The following DSCAM variants were observed in gnomAD, a reference collection of about 807,000 sequenced individuals.
DSCAM encodes the protein cell adhesion molecule DSCAM.
A neutral mutation model predicts 217.7 loss-of-function variants in DSCAM; 47 were observed. That is an observed-to-expected ratio of 0.22 (90% CI 0.17 to 0.28). DSCAM has a LOEUF of 0.28. Among genes scored for constraint, DSCAM ranks in the 10% least tolerant of loss-of-function variants. The pLI is 1.00. For missense variants in DSCAM, 2,080 were observed against 2,618.3 expected (o/e 0.79, Z 4.49); for synonymous variants, 1,056 against 1,015.3 (o/e 1.04, Z -0.76).
intron 11 of DSCAM, among the ~76,000 whole-genome samples, chr21:40,201,377 C>CT (rs5844005): frequency 0.069 from 10,303 of 149,858 alleles, 1,097 homozygotes; most frequent in African/African-American, 0.23. Flanking sequence ...CCATTTCTTT[C>CT]TTTTTTTTTT....
At chr21:40,800,996 G>A (rs1204477388) in intron 1 of DSCAM, among the ~76,000 whole-genome samples, 7 of 148,460 alleles carry the variant, frequency 4.7e-5, no homozygotes, top group Non-Finnish European at 7.4e-5. Flanking sequence ...CTTTCACCCA[G>A]GCTGGAGTGC....
At chr21:40,291,071 C>CT (rs1203307093) in intron 10 of DSCAM, among the ~76,000 whole-genome samples, 1 of 152,204 alleles carries the variant, frequency 6.6e-6, no homozygotes, top group Admixed American at 6.5e-5. Context: ...GTCTGCCCTC[C>CT]TGGAGTCGTC....
chr21:40,431,151 AT>A (rs1372672846), intron 3 of DSCAM, among the ~76,000 whole-genome samples: 2 of 152,220 alleles, frequency 1.3e-5, no homozygotes, highest in Non-Finnish European at 2.9e-5. Flanking sequence ...TTATGCAAAG[AT>A]TTTCAGAAAA....
At chr21:40,674,626 C>CTTTTTTTTT (rs869239926) in intron 3 of DSCAM, among the ~76,000 whole-genome samples, 4 of 105,900 alleles carry the variant, frequency 3.8e-5, no homozygotes, top group East Asian at 2.9e-4. Flanking sequence ...TTTTCTTTTT[C>CTTTTTTTTT]TTTTTCTTTT....
chr21:40,560,028 C>A (rs1019444212), intron 3 of DSCAM, among the ~76,000 whole-genome samples: 2 of 152,012 alleles, frequency 1.3e-5, no homozygotes, highest in Admixed American at 1.3e-4. Context: ...CTCCTGACCT[C>A]GTGATCCGCC....
chr21:40,049,953 C>T (rs929954820), intron 30 of DSCAM, among the ~76,000 whole-genome samples: 2 of 152,330 alleles, frequency 1.3e-5, no homozygotes, highest in East Asian at 1.9e-4. Context: ...TATGCATTCT[C>T]GGCTGCTAGC....
In DSCAM at chr21:40,032,870, G is replaced by A. The variant is rs144229144; in HGVS notation, c.5686+9501C>T. 2.7e-3 allele frequency among the ~76,000 whole-genome samples: 407 copies of A among 152,268 alleles called. 3 individuals carry two copies. The highest frequency in any genetic ancestry group is 0.018 in the South Asian group (89 of 4,820). On this transcript the variant is annotated intron_variant, in intron 32 of 32. Coordinates refer to ENST00000400454, the MANE Select transcript of DSCAM (RefSeq NM_001389.5). ...GATGAAAGTTCCTTTTTATGTGTCC[G>A]CAGAGGAGATTGAAGCCCCAAAAAC...
intron 3 of DSCAM, among the ~76,000 whole-genome samples, chr21:40,597,252 G>A (rs1316208536): frequency 6.6e-6 from 1 of 152,108 alleles, no homozygotes; most frequent in Admixed American, 6.5e-5. Context: ...TACACCCTGA[G>A]AGCAATATTC....
intron 3 of DSCAM, among the ~76,000 whole-genome samples, chr21:40,688,543 T>TA (rs2090507613): frequency 1.3e-5 from 2 of 152,194 alleles, no homozygotes; most frequent in African/African-American, 4.8e-5. Context: ...TGAGGATGTC[T>TA]AAAAAAATCC....
intron 10 of DSCAM, among the ~76,000 whole-genome samples, chr21:40,284,993 T>C (rs2073807451): frequency 6.6e-6 from 1 of 152,244 alleles, no homozygotes. Flanking sequence ...GCTAGTCCAC[T>C]AGCACTTCAA....
intron 32 of DSCAM, among the ~76,000 whole-genome samples, chr21:40,040,011 A>AAGCT (rs1390112797): frequency 1.3e-5 from 2 of 152,246 alleles, no homozygotes; most frequent in African/African-American, 4.8e-5. Context: ...ATTGTATCAC[A>AAGCT]AGCTCTAGTT....
chr21:40,035,376 TA>T lies in DSCAM; in HGVS notation c.5686+6994del, dbSNP rs1213414580. ...CAGGGGTTGCAATCCTAGTCTCAGATAAAACAGACTTCAAACCAACAAAGAT... is the reference window on the plus strand; with the variant it reads ...CAGGGGTTGCAATCCTAGTCTCAGATAAACAGACTTCAAACCAACAAAGAT... On this transcript the variant is annotated intron_variant, in intron 32 of 32. Coordinates refer to ENST00000400454, the MANE Select transcript of DSCAM (RefSeq NM_001389.5). Among the ~76,000 whole-genome samples, 38 of 108,178 alleles carry T rather than the reference TA, an allele frequency of 3.5e-4. 3 individuals carry two copies. Among genetic ancestry groups the T allele is most frequent in the African/African-American group, 1.5e-3 (36 of 24,352 alleles). The allele number at this position is 108,178 out of a possible 152,430, so 71.0% of individuals were successfully genotyped here. A position where few individuals can be genotyped will look rare whatever the true frequency, so the allele number is the denominator to read the frequency against.
At chr21:40,667,993 T>C (rs1407599641) in intron 3 of DSCAM, among the ~76,000 whole-genome samples, 1 of 152,208 alleles carries the variant, frequency 6.6e-6, no homozygotes, top group African/African-American at 2.4e-5. Context: ...ACCTTCCTTC[T>C]AATACCTTTC....
At position 40,189,156 on chromosome 21, in the gene DSCAM, A is replaced by G. The variant is rs1165223509; in HGVS notation, c.2439T>C (p.Gly813=). Residue 813 remains glycine, a synonymous_variant, in exon 12 of 33, where the codon GGT becomes GGC. Coordinates refer to ENST00000400454, the MANE Select transcript of DSCAM (RefSeq NM_001389.5). ...QKKEMSCTAH[G]EKPIIVRWEK... is the part of the protein sequence containing the mutation. ...CCCAGCGGACTATAATGGGCTTCTC[A>G]CCATGCGCCGTGCAGCTCATCTCCT... The G allele has an allele frequency of 6.2e-7, 1 of 1,614,032 alleles. No homozygotes were observed. The highest frequency in any genetic ancestry group is 1.3e-5 in the African/African-American group (1 of 75,012).
intron 11 of DSCAM, among the ~76,000 whole-genome samples, chr21:40,231,132 T>G (rs972489826): frequency 3.9e-5 from 6 of 151,916 alleles, no homozygotes; most frequent in Middle Eastern, 6.8e-3. Context: ...AGGTTTTTTT[T>G]TTTTTTTTTT....
chr21:40,358,878 A>G (rs980691188), intron 4 of DSCAM, among the ~76,000 whole-genome samples: 3 of 152,128 alleles, frequency 2.0e-5, no homozygotes, highest in African/African-American at 7.2e-5. Flanking sequence ...ATTGAAAATC[A>G]TATTTCTAAT....
intron 3 of DSCAM, among the ~76,000 whole-genome samples, chr21:40,531,773 C>G (rs894329565): frequency 7.9e-5 from 12 of 152,204 alleles, no homozygotes; most frequent in African/African-American, 2.7e-4. Flanking sequence ...GCCCCCATTC[C>G]TTTCCTTCTT....
intron 8 of DSCAM, among the ~76,000 whole-genome samples, chr21:40,323,277 C>T (rs1164314105): frequency 2.6e-5 from 4 of 152,126 alleles, no homozygotes; most frequent in Admixed American, 2.0e-4. Context: ...GTCAGCTTCC[C>T]GAAAAACCCA....
intron 11 of DSCAM, among the ~76,000 whole-genome samples, chr21:40,214,146 G>A (rs1233165425): frequency 6.6e-6 from 1 of 152,202 alleles, no homozygotes; most frequent in Non-Finnish European, 1.5e-5. Context: ...AAGGATTTCA[G>A]GTAGTTTGTT....
Sources: allele counts gnomAD v4.1 joint callset (sites outside exome capture counted in the v4.1 genomes callset), GRCh38; gene constraint gnomAD v4.1.1; transcripts MANE v1.5; gene names NCBI Gene and HGNC (gene_info 2026-07-23, HGNC 2026-07-21).